Variants in ATRNL1 observed in about 807,000 individuals in gnomAD.
ATRNL1 encodes the protein attractin-like protein 1.
ATRNL1 carries 95 observed loss-of-function variants against 182.7 expected under a neutral mutation model. That is an observed-to-expected ratio of 0.52 (90% CI 0.44 to 0.62). The LOEUF (loss-of-function observed/expected upper bound fraction) is 0.62. ATRNL1 is among the 20% of genes least tolerant of loss of function. The probability of loss-of-function intolerance (pLI) is 0.00; values close to 1 mark genes in which losing one functional copy is unlikely to be tolerated. For synonymous variants in ATRNL1, 576 were observed against 568.3 expected (o/e 1.01, Z -0.19); for missense variants, 1,471 against 1,679.5 (o/e 0.88, Z 2.17).
At chr10:115,720,834 G>A (rs1266018044) in intron 26 of ATRNL1, among the ~76,000 whole-genome samples, 1 of 152,194 alleles carries the variant, frequency 6.6e-6, no homozygotes, top group African/African-American at 2.4e-5. Flanking sequence ...ATAGGAATGT[G>A]TCAGTAATTC....
intron 8 of ATRNL1, among the ~76,000 whole-genome samples, chr10:115,196,709 C>T (rs115817560): frequency 0.025 from 3,787 of 152,060 alleles, 158 homozygotes; most frequent in African/African-American, 0.086. Context: ...AAATTTATAA[C>T]AGCTGATTGC....
At chr10:115,755,716 A>G (rs180768410) in intron 27 of ATRNL1, among the ~76,000 whole-genome samples, 12 of 151,820 alleles carry the variant, frequency 7.9e-5, no homozygotes, top group African/African-American at 2.7e-4. Flanking sequence ...CTTTTTTTCT[A>G]TTTTTTGGAA....
chr10:115,686,254 G>A (rs924868975), intron 26 of ATRNL1, among the ~76,000 whole-genome samples: 1 of 151,958 alleles, frequency 6.6e-6, no homozygotes, highest in African/African-American at 2.4e-5. Flanking sequence ...AATGGTTGAA[G>A]ACGAAGCATT....
At chr10:115,795,851 T>C (rs546197316) in intron 27 of ATRNL1, among the ~76,000 whole-genome samples, 2 of 152,206 alleles carry the variant, frequency 1.3e-5, no homozygotes, top group East Asian at 3.9e-4. Flanking sequence ...GGGATCACAA[T>C]TCAACGTGAG....
chr10:115,253,384 G>A (rs1267081764), intron 10 of ATRNL1, among the ~76,000 whole-genome samples: 1 of 152,086 alleles, frequency 6.6e-6, no homozygotes, highest in Non-Finnish European at 1.5e-5. Context: ...AGTGAAGTGG[G>A]CCTGTGTTCC....
chr10:115,592,285 A>G (rs1555012499), intron 26 of ATRNL1, among the ~76,000 whole-genome samples: 1 of 152,184 alleles, frequency 6.6e-6, no homozygotes, highest in African/African-American at 2.4e-5. Context: ...ATACCCATAT[A>G]ACAATCCTGC....
intron 26 of ATRNL1, among the ~76,000 whole-genome samples, chr10:115,725,094 A>G (rs1555059484): frequency 1.3e-5 from 2 of 152,126 alleles, no homozygotes; most frequent in Non-Finnish European, 2.9e-5. Context: ...ATTTTACCAG[A>G]TTTGCTTTAC....
chr10:115,526,183 G>A (rs1307996978), intron 25 of ATRNL1, among the ~76,000 whole-genome samples: 2 of 152,068 alleles, frequency 1.3e-5, no homozygotes, highest in East Asian at 3.9e-4. Flanking sequence ...CAGGTTCCTA[G>A]GTCTCCTGAA....
chr10:115,297,608 G>A (rs373483306), intron 15 of ATRNL1, among the ~76,000 whole-genome samples: 8 of 146,198 alleles, frequency 5.5e-5, no homozygotes, highest in African/African-American at 1.3e-4. Context: ...TCGAGATTGC[G>A]CCACTGCACT....
At chr10:115,875,183 C>T (rs1381567860) in intron 28 of ATRNL1, among the ~76,000 whole-genome samples, 5 of 152,136 alleles carry the variant, frequency 3.3e-5, no homozygotes, top group Admixed American at 2.6e-4. Context: ...CCAGTGAACT[C>T]ATTAAAGAGA....
At chr10:115,103,513 T>G (rs1270461288) in intron 1 of ATRNL1, among the ~76,000 whole-genome samples, 1 of 152,204 alleles carries the variant, frequency 6.6e-6, no homozygotes, top group Non-Finnish European at 1.5e-5. Context: ...TGTGGTTACG[T>G]TATAGGTGTA....
chr10:115,547,262 AAAT>A lies in ATRNL1; in HGVS notation c.3717-2194_3717-2192del, dbSNP rs1160869576. 1.4e-3 allele frequency among the ~76,000 whole-genome samples: 184 copies of A among 131,044 alleles called. 1 individual carries two copies. The highest frequency in any genetic ancestry group is 4.7e-3 in the African/African-American group (176 of 37,496). 86.0% of individuals were successfully genotyped at this position (131,044 alleles called of 152,430 possible). A position where few individuals can be genotyped will look rare whatever the true frequency, so the allele number is the denominator to read the frequency against. ...AGAGTGAGACTCCATCTCAAAAAAAAAATATATATATATATATATAAATATATA... is the reference window on the plus strand; with the variant it reads ...AGAGTGAGACTCCATCTCAAAAAAAAATATATATATATATATAAATATATA... On this transcript the variant is annotated intron_variant, in intron 25 of 28. Coordinates refer to ENST00000355044, the MANE Select transcript of ATRNL1 (RefSeq NM_207303.4).
At chr10:115,175,929 G>A (rs200733188) in intron 8 of ATRNL1, among the ~76,000 whole-genome samples, 13 of 152,190 alleles carry the variant, frequency 8.5e-5, no homozygotes, top group Admixed American at 8.5e-4. Flanking sequence ...CCCACCAACA[G>A]TGTAAAAGTG....
chr10:115,264,626 T>C (rs1390977153), intron 10 of ATRNL1, among the ~76,000 whole-genome samples: 1 of 151,574 alleles, frequency 6.6e-6, no homozygotes, highest in Non-Finnish European at 1.5e-5. Flanking sequence ...AGTTCATAGA[T>C]TATTTATGAT....
intron 19 of ATRNL1, among the ~76,000 whole-genome samples, chr10:115,392,495 C>A (rs782596686): frequency 2.6e-5 from 4 of 152,144 alleles, no homozygotes; most frequent in Non-Finnish European, 5.9e-5. Context: ...TATTTTGAAG[C>A]CAAATTTTCT....
At chr10:115,580,144 T>A (rs954014235) in intron 26 of ATRNL1, among the ~76,000 whole-genome samples, 5 of 152,096 alleles carry the variant, frequency 3.3e-5, no homozygotes, top group African/African-American at 1.2e-4. Flanking sequence ...TATCTACCAC[T>A]CTTACAGTAA....
chr10:115,569,759 A>G (rs954686172), intron 26 of ATRNL1, among the ~76,000 whole-genome samples: 3 of 134,682 alleles, frequency 2.2e-5, no homozygotes, highest in Non-Finnish European at 4.7e-5. Context: ...TCTGTTTACC[A>G]TTTAATTCTT....
chr10:115,228,419 T>G (rs1467320886), intron 9 of ATRNL1, among the ~76,000 whole-genome samples: 1 of 152,190 alleles, frequency 6.6e-6, no homozygotes, highest in East Asian at 1.9e-4. Flanking sequence ...TTTTGAATAT[T>G]GGGGTCATTG....
In ATRNL1 at chr10:115,866,760, G is replaced by A. The variant is rs191006984; in HGVS notation, c.4018+18769G>A. On this transcript the variant is annotated intron_variant, in intron 28 of 28. Transcript: ENST00000355044. ...CTGTTTTATGGGAGTTTTTTTTAAA[G>A]GAGCGAGAAGAAAAGCTACAAGGGA... Among the ~76,000 whole-genome samples the A allele has an allele frequency of 3.1e-3, 479 of 152,262 alleles. 4 individuals are homozygous for A. Among genetic ancestry groups the A allele is most frequent in the African/African-American group, 0.011 (455 of 41,524 alleles).
Sources: allele counts gnomAD v4.1 joint callset (sites outside exome capture counted in the v4.1 genomes callset), GRCh38; gene constraint gnomAD v4.1.1; transcripts MANE v1.5; gene names NCBI Gene and HGNC (gene_info 2026-07-23, HGNC 2026-07-21).